The following SANBR variants were observed in gnomAD, a reference collection of about 807,000 sequenced individuals.
SANBR encodes SANT and BTB domain regulator of class switch recombination.
In SANBR, 77 loss-of-function variants were observed where a neutral mutation model predicts 101.8. The observed-to-expected ratio is 0.76, with a 90% CI of 0.63 to 0.91. The LOEUF (loss-of-function observed/expected upper bound fraction) is 0.91. SANBR is among the 40% of genes least tolerant of loss of function. The pLI, the probability that SANBR is intolerant of heterozygous loss-of-function variation, is 0.00. For missense variants in SANBR, 875 were observed against 853.0 expected (o/e 1.03, Z -0.32); for synonymous variants, 279 against 274.7 (o/e 1.02, Z -0.15).
chr2:61,087,111 TTA>T (rs1682475668), intron 8 of SANBR, among the ~76,000 whole-genome samples: 1 of 152,154 alleles, frequency 6.6e-6, no homozygotes, highest in South Asian at 2.1e-4. Context: ...TCATAAAACT[TTA>T]TGAGATTGGA....
chr2:61,092,395 A>C (rs1682806568), intron 10 of SANBR, 69 bp from the exon 11 acceptor site: 2 of 1,209,674 alleles, frequency 1.7e-6, no homozygotes, highest in Non-Finnish European at 2.2e-6. Context: ...AAAGAAGATA[A>C]TAATTAAATA....
chr2:61,072,113 T>A (rs770444882), intron 4 of SANBR, among the ~76,000 whole-genome samples: 6 of 152,024 alleles, frequency 3.9e-5, no homozygotes, highest in Middle Eastern at 3.2e-3. Flanking sequence ...AATTTTTGTA[T>A]TTTTTTGTAG....
chr2:61,123,448 T>G lies in SANBR; in HGVS notation c.*1286T>G, dbSNP rs556916080. On this transcript the variant is annotated 3_prime_UTR_variant, in exon 22 of 22. Transcript: ENST00000402291. ...TATTTGATAACTGGCTTTGCCAAGG[T>G]TTTTGAACTGCTGTTTAGAAATTTT... 3.1e-6 allele frequency: 3 copies of G among 983,542 alleles called. No individual in the cohort carries two copies. The African/African-American group carries it at 5.2e-5, about 17-fold the overall frequency. 60.9% of individuals were successfully genotyped at this position (983,542 alleles called of 1,614,324 possible). A position where few individuals can be genotyped will look rare whatever the true frequency, so the allele number is the denominator to read the frequency against.
At chr2:61,084,409 G>A (rs1266794768) in intron 8 of SANBR, among the ~76,000 whole-genome samples, 2 of 152,126 alleles carry the variant, frequency 1.3e-5, no homozygotes, top group African/African-American at 4.8e-5. Flanking sequence ...TCGTGATAGT[G>A]AATTATGTTA....
intron 16 of SANBR, among the ~76,000 whole-genome samples, chr2:61,111,945 C>T (rs980372410): frequency 2.0e-5 from 3 of 152,162 alleles, no homozygotes; most frequent in Non-Finnish European, 4.4e-5. Flanking sequence ...TTTATCCATT[C>T]CCAATTTCAT....
In SANBR at chr2:61,116,010, A is replaced by G. The variant is rs758528674; in HGVS notation, c.1776A>G (p.Arg592=). ...AGGAGAAGCCAAAGAAGTTCACTAG[A>G]CAACCAAAAAAGCAGGTATCTTCAC... ...RKKEKPKKFT[R]QPKKQVSSPC... Residue 592 remains arginine, a synonymous_variant, in exon 17 of 22, where the codon AGA becomes AGG. Coordinates refer to ENST00000402291, the MANE Select transcript of SANBR (RefSeq NM_001129993.3). 1.9e-6 allele frequency: 3 copies of G among 1,612,774 alleles called. No homozygotes were observed. The Admixed American group carries it at 5.0e-5, about 27-fold the overall frequency.
At chr2:61,128,497 A>AT (rs944348579), downstream of SANBR, among the ~76,000 whole-genome samples, 27 of 146,438 alleles carry the variant, frequency 1.8e-4, no homozygotes, top group South Asian at 4.4e-4. Flanking sequence ...TCTACAAATA[A>AT]TTTTTTTTTT....
intron 16 of SANBR, 21 bp from the exon 17 acceptor site, chr2:61,115,958 A>T (rs761414329): frequency 6.6e-7 from 1 of 1,516,392 alleles, no homozygotes; most frequent in Non-Finnish European, 9.1e-7. Flanking sequence ...TAAGTTTATA[A>T]CATTGTCTTC....
intron 11 of SANBR, 77 bp downstream of exon 11, chr2:61,092,664 A>G (rs753525799): frequency 8.5e-7 from 1 of 1,174,920 alleles, no homozygotes; most frequent in Admixed American, 2.4e-5. Flanking sequence ...TGTTTAATTG[A>G]TATGTTTAAA....
At chr2:61,080,105 G>A (rs1315931007) in intron 6 of SANBR, among the ~76,000 whole-genome samples, 1 of 150,514 alleles carries the variant, frequency 6.6e-6, no homozygotes, top group East Asian at 2.0e-4. Context: ...GCTGAGGCAG[G>A]AGAATCGCTT....
rs1684402922 is a variant in SANBR at position 61,123,224 on chromosome 2, T to A, written c.*1062T>A. 1 of 972,118 alleles carries A rather than the reference T, an allele frequency of 1.0e-6. No individual in the cohort carries two copies. Among genetic ancestry groups the A allele is most frequent in the Non-Finnish European group, 1.2e-6 (1 of 817,786 alleles). The allele number at this position is 972,118 out of a possible 1,614,324, so 60.2% of individuals were successfully genotyped here. On this transcript the variant is annotated 3_prime_UTR_variant, in exon 22 of 22. Transcript: ENST00000402291. ...TTATATGTAGGTCTCTGAAAAACTT[T>A]AAGATGCACTGTTTCTATTTTTTTA...
intron 21 of SANBR, chr2:61,134,303 A>G (rs1356519567): frequency 1.5e-5 from 23 of 1,534,184 alleles, no homozygotes; most frequent in Middle Eastern, 3.4e-4. Flanking sequence ...GTTAGCTATT[A>G]TTAGTAGACC....
intron 17 of SANBR, among the ~76,000 whole-genome samples, 156 bp downstream of exon 17, chr2:61,116,226 T>G (rs1573661882): frequency 6.6e-6 from 1 of 152,328 alleles, no homozygotes; most frequent in East Asian, 1.9e-4. Context: ...CTAAGATATA[T>G]TGACAAATGA....
Position 61,123,672 on chromosome 2 carries a change from GGA to G in SANBR, c.*1511_*1512del. On this transcript the variant is annotated 3_prime_UTR_variant, in exon 22 of 22. Coordinates refer to ENST00000402291, the MANE Select transcript of SANBR (RefSeq NM_001129993.3). ...TGCTGTAATGGTCACGACTAGATAA[GGA>G]AAAAATATATATGCTCTTTTGATTT... 3.0e-6 allele frequency: 3 copies of G among 985,268 alleles called. No homozygotes were observed. Among genetic ancestry groups the G allele is most frequent in the Non-Finnish European group, 3.6e-6 (3 of 829,730 alleles). 61.0% of individuals were successfully genotyped at this position (985,268 alleles called of 1,614,324 possible).
rs1573665245 is a variant in SANBR, at chr2:61,118,060, C to T, written c.1972C>T (p.Leu658=). The T allele has an allele frequency of 4.3e-6, 7 of 1,613,416 alleles. No homozygotes were observed. The East Asian group carries it at 1.1e-4, about 26-fold the overall frequency. ...QRRMTEITGH[L]IKMRLGDLDR... is the part of the protein sequence containing the mutation. ...GCGAATGACTGAAATTACAGGGCACCTAATAAAAATGAGATTGGGGGATCT... is the reference window on the plus strand; with the variant it reads ...GCGAATGACTGAAATTACAGGGCACTTAATAAAAATGAGATTGGGGGATCT... The change falls in exon 20 of 22, where the codon CTA becomes TTA. Residue 658 remains leucine, a synonymous_variant. Coordinates refer to ENST00000402291, the MANE Select transcript of SANBR (RefSeq NM_001129993.3).
chr2:61,108,200 C>T, intron 14 of SANBR, 117 bp from the exon 15 acceptor site: 2 of 533,452 alleles, frequency 3.7e-6, no homozygotes, highest in South Asian at 3.6e-5. Flanking sequence ...TATGTTTCAG[C>T]CTGGAAGGGA....
intron 8 of SANBR, among the ~76,000 whole-genome samples, chr2:61,084,863 G>T (rs1038024729): frequency 6.6e-6 from 1 of 152,154 alleles, no homozygotes; most frequent in Non-Finnish European, 1.5e-5. Flanking sequence ...CTGGAAAGAA[G>T]TAGATGGACT....
chr2:61,107,346 A>G (rs1301387090), intron 14 of SANBR, among the ~76,000 whole-genome samples: 2 of 152,186 alleles, frequency 1.3e-5, no homozygotes, highest in African/African-American at 4.8e-5. Context: ...AAATTCTTCA[A>G]AAGTTCCAGC....
intron 6 of SANBR, among the ~76,000 whole-genome samples, chr2:61,080,907 C>T (rs937906744): frequency 6.6e-6 from 1 of 152,078 alleles, no homozygotes; most frequent in African/African-American, 2.4e-5. Flanking sequence ...GACAGGTTTG[C>T]TAAACTACAG....
Sources: gnomAD v4.1 joint callset for allele counts (sites outside exome capture counted in the v4.1 genomes callset) on GRCh38, gnomAD v4.1.1 for gene constraint, MANE v1.5 for transcripts, NCBI Gene and HGNC (gene_info 2026-07-23, HGNC 2026-07-21) for gene names.